Variants in TTC21B observed in about 807,000 individuals in gnomAD.
TTC21B encodes tetratricopeptide repeat protein 21B.
TTC21B carries 127 observed loss-of-function variants against 175.1 expected under a neutral mutation model. The observed-to-expected ratio is 0.73, with a 90% CI of 0.63 to 0.84. The LOEUF (loss-of-function observed/expected upper bound fraction) is 0.84, where lower values mean the gene tolerates loss of function less well. TTC21B is among the 40% of genes least tolerant of loss of function. The pLI is 0.00. For missense variants in TTC21B, 1,561 were observed against 1,558.3 expected, an observed-to-expected ratio of 1.00 and a Z score of -0.03; for synonymous variants, 524 against 524.5, an observed-to-expected ratio of 1.00 and a Z score of 0.01.
Position 165,924,546 on chromosome 2 carries a change from T to G in TTC21B, c.1516+3A>C. On this transcript the variant is annotated splice_donor_region_variant and intron_variant, in intron 12 of 28. Transcript: ENST00000243344. Reference sequence around the variant, plus strand: ...GGTTAAAAGTTTTTAAGGTATACTCTACCTGACAAATATTTCACTTTTGCT... The same window carrying G: ...GGTTAAAAGTTTTTAAGGTATACTCGACCTGACAAATATTTCACTTTTGCT... 1 of 1,613,044 alleles carries G rather than the reference T, an allele frequency of 6.2e-7. No individual in the cohort carries two copies. The highest frequency in any genetic ancestry group is 8.5e-7 in the Non-Finnish European group (1 of 1,179,394).
chr2:165,935,349 G>C (rs1687090110), intron 6 of TTC21B, among the ~76,000 whole-genome samples: 1 of 152,142 alleles, frequency 6.6e-6, no homozygotes, highest in Non-Finnish European at 1.5e-5. Flanking sequence ...AGTCCTACAT[G>C]TGTTCAAAGA....
At chr2:165,937,771 C>CCACACACCACACACACA (rs1205195669) in intron 6 of TTC21B, among the ~76,000 whole-genome samples, 6 of 127,568 alleles carry the variant, frequency 4.7e-5, no homozygotes, top group African/African-American at 1.8e-4. Context: ...TATATAGAAA[C>CCACACACCACACACACA]CACACACACA....
At chr2:165,931,259 C>T (rs188180242) in intron 8 of TTC21B, among the ~76,000 whole-genome samples, 1 of 151,844 alleles carries the variant, frequency 6.6e-6, no homozygotes, top group East Asian at 1.9e-4. Flanking sequence ...ATTCTCATTC[C>T]TTGTATTGAT....
chr2:165,927,639 G>A (rs146608103), intron 11 of TTC21B, among the ~76,000 whole-genome samples: 1 of 151,498 alleles, frequency 6.6e-6, no homozygotes, highest in Non-Finnish European at 1.5e-5. Flanking sequence ...TTGTACATTT[G>A]TAGAATGAAT....
intron 12 of TTC21B, among the ~76,000 whole-genome samples, chr2:165,921,663 A>T (rs1686410139): frequency 6.6e-6 from 1 of 151,956 alleles, no homozygotes; most frequent in South Asian, 2.1e-4. Flanking sequence ...TGTGCCCTTA[A>T]CCTTTGATGT....
intron 26 of TTC21B, 131 bp downstream of exon 26, chr2:165,883,662 TG>T: frequency 1.4e-6 from 1 of 724,588 alleles, no homozygotes; most frequent in Non-Finnish European, 2.4e-6. Flanking sequence ...TTCCTGATTG[TG>T]GTAAGAATAA....
chr2:165,899,748 T>A lies in TTC21B; in HGVS notation c.2868+22A>T. On this transcript the variant is annotated intron_variant, in intron 21 of 28. Transcript: ENST00000243344. ...TTATAAAACACAAGTGCTTTTATTG[T>A]ACTGAAGTTCCTTGGACTGACCATG... 3 of 1,490,970 alleles carry A rather than the reference T, an allele frequency of 2.0e-6. No individual in the cohort carries two copies. The African/African-American group carries it at 4.1e-5, about 21-fold the overall frequency. 92.4% of individuals were successfully genotyped at this position (1,490,970 alleles called of 1,614,324 possible).
intron 15 of TTC21B, among the ~76,000 whole-genome samples, chr2:165,914,680 T>TGTGCGCGCGCGTGTGTGCGCGCGC (rs1553511335): frequency 1.4e-5 from 2 of 144,164 alleles, no homozygotes; most frequent in African/African-American, 5.5e-5. Context: ...TGTGTGTGTG[T>TGTGCGCGCGCGTGTGTGCGCGCGC]GTGTGTGTGT....
chr2:165,949,472 C>A lies in TTC21B; in HGVS notation c.184G>T (p.Ala62Ser), dbSNP rs769963576. 1 of 1,613,754 alleles carries A rather than the reference C, an allele frequency of 6.2e-7. No homozygotes were observed. Among genetic ancestry groups the A allele is most frequent in the East Asian group, 2.2e-5 (1 of 44,788 alleles). Reference protein sequence around the residue: ...KTQEALREFEAIKNKQDVSLC... With the variant: ...KTQEALREFESIKNKQDVSLC... ...GATACATCTTGTTTATTTTTAATAG[C>A]CTCAAATTCTCGAAGAGCTTCTTGA... is the stretch of plus-strand genomic sequence containing the variant. Residue 62 changes from alanine (A) to serine (S), a missense_variant, in exon 3 of 29, where the codon GCT becomes TCT. Coordinates refer to ENST00000243344, the MANE Select transcript of TTC21B (RefSeq NM_024753.5).
At position 165,880,756 on chromosome 2, in the gene TTC21B, T is replaced by C; in HGVS notation, c.3728A>G (p.Lys1243Arg). The C allele has an allele frequency of 6.2e-7, 1 of 1,613,306 alleles. No individual in the cohort carries two copies. Among genetic ancestry groups the C allele is most frequent in the Non-Finnish European group, 8.5e-7 (1 of 1,179,738 alleles). ...AYEYMGYIMEKEQAYTDAALN... is the reference protein window; with the variant it reads ...AYEYMGYIMEREQAYTDAALN... The stretch of plus-strand genomic sequence containing the variant: ...GGCAGCATCTGTATATGCTTGCTCT[T>C]TTTCCATAATGTATCCCATATATTC... Residue 1243 changes from lysine to arginine, a missense_variant, in exon 27 of 29, where the codon AAA becomes AGA. By Grantham distance (26) the Lys-to-Arg change is conservative. Coordinates refer to ENST00000243344, the MANE Select transcript of TTC21B (RefSeq NM_024753.5).
intron 18 of TTC21B, 126 bp downstream of exon 18, chr2:165,911,201 A>C: frequency 8.6e-7 from 1 of 1,168,788 alleles, no homozygotes; most frequent in Non-Finnish European, 1.2e-6. Flanking sequence ...AAAAGAAAAA[A>C]TACGCATGTA....
chr2:165,910,285 C>G (rs1033721235), intron 18 of TTC21B, among the ~76,000 whole-genome samples: 3 of 151,986 alleles, frequency 2.0e-5, no homozygotes, highest in African/African-American at 7.2e-5. Context: ...GGCCTGTAGT[C>G]CCAGCTACTA....
At chr2:165,931,634 A>G in intron 8 of TTC21B, 124 bp downstream of exon 8, 1 of 803,302 alleles carries the variant, frequency 1.2e-6, no homozygotes, top group Non-Finnish European at 2.1e-6. Context: ...CTAGGAGTAT[A>G]TCATATATTT....
At chr2:165,924,862 C>G (rs572165919) in intron 11 of TTC21B, among the ~76,000 whole-genome samples, 184 bp from the exon 12 acceptor site, 2 of 152,116 alleles carry the variant, frequency 1.3e-5, no homozygotes. Flanking sequence ...TCCCTGGGAT[C>G]TATGAACAGA....
chr2:165,919,947 T>C (rs569142192), intron 12 of TTC21B, among the ~76,000 whole-genome samples: 43 of 152,192 alleles, frequency 2.8e-4, no homozygotes, highest in Non-Finnish European at 5.6e-4. Flanking sequence ...ATATGAGTTA[T>C]AGATTTAAAA....
chr2:165,935,055 G>A (rs1020420840), intron 6 of TTC21B, among the ~76,000 whole-genome samples: 2 of 152,148 alleles, frequency 1.3e-5, no homozygotes, highest in African/African-American at 4.8e-5. Flanking sequence ...AAAGTGGAAT[G>A]ACTTCTCTAC....
At chr2:165,941,411 A>C (rs1179640009) in intron 5 of TTC21B, among the ~76,000 whole-genome samples, 2 of 152,206 alleles carry the variant, frequency 1.3e-5, no homozygotes, top group Non-Finnish European at 2.9e-5. Context: ...GCTGAAAAAC[A>C]TGATTAAAGG....
intron 1 of TTC21B, among the ~76,000 whole-genome samples, chr2:165,952,754 C>T (rs1687798313): frequency 1.3e-5 from 2 of 152,206 alleles, no homozygotes; most frequent in Admixed American, 1.3e-4. Context: ...CCTACATCGC[C>T]AAATTGTCCT....
At chr2:165,911,169 T>G (rs1405018416) in intron 18 of TTC21B, among the ~76,000 whole-genome samples, 158 bp downstream of exon 18, 2 of 152,154 alleles carry the variant, frequency 1.3e-5, no homozygotes, top group Non-Finnish European at 2.9e-5. Flanking sequence ...AATATCACAT[T>G]TTAGTAGAGT....
Sources: allele counts gnomAD v4.1 joint callset (sites outside exome capture counted in the v4.1 genomes callset), GRCh38; gene constraint gnomAD v4.1.1; transcripts MANE v1.5; gene names NCBI Gene and HGNC (gene_info 2026-07-23, HGNC 2026-07-21).